Variants in SLC35D2 observed in about 807,000 individuals in gnomAD.
SLC35D2 encodes the protein nucleotide sugar transporter SLC35D2.
A neutral mutation model predicts 41.8 loss-of-function variants in SLC35D2; 43 were observed. That is an observed-to-expected ratio of 1.03 (90% CI 0.81 to 1.33). The LOEUF is 1.33. Ranked by LOEUF, SLC35D2 falls within the 40% of genes most tolerant of loss-of-function variation. The pLI is 0.00. For missense variants in SLC35D2, 380 were observed against 408.4 expected (o/e 0.93, Z 0.60); for synonymous variants, 150 against 163.9 (o/e 0.92, Z 0.65).
chr9:96,351,460 T>A (rs1404320774), intron 5 of SLC35D2, among the ~76,000 whole-genome samples: 1 of 152,044 alleles, frequency 6.6e-6, no homozygotes, highest in Admixed American at 6.6e-5. Context: ...CTAGTTTGCA[T>A]GGACTGATAG....
At chr9:96,366,795 G>A (rs1830492007) in intron 2 of SLC35D2, among the ~76,000 whole-genome samples, 1 of 148,816 alleles carries the variant, frequency 6.7e-6, no homozygotes, top group Non-Finnish European at 1.5e-5. Flanking sequence ...TTTTTTTAAC[G>A]TGCTTTTTCC....
chr9:96,338,003 A>C (rs1587849704), intron 8 of SLC35D2, among the ~76,000 whole-genome samples: 2 of 149,992 alleles, frequency 1.3e-5, no homozygotes, highest in Non-Finnish European at 3.0e-5. Flanking sequence ...AAAAAAAAAA[A>C]AACTCAATTT....
intron 9 of SLC35D2, among the ~76,000 whole-genome samples, chr9:96,326,166 A>C (rs943817191): frequency 6.6e-6 from 1 of 151,044 alleles, no homozygotes; most frequent in Non-Finnish European, 1.5e-5. Flanking sequence ...TAAGAAGCTG[A>C]TTTACCCCAT....
intron 1 of SLC35D2, among the ~76,000 whole-genome samples, chr9:96,376,700 G>A (rs1371239931): frequency 2.6e-5 from 4 of 151,024 alleles, no homozygotes; most frequent in Non-Finnish European, 4.4e-5. Context: ...CTGGACCCAG[G>A]AGGGAGAGGT....
chr9:96,371,718 CTTTTTTTTTTTTTT>C (rs774105070), intron 1 of SLC35D2, among the ~76,000 whole-genome samples: 3,132 of 90,608 alleles, frequency 0.035, 100 homozygotes, highest in Non-Finnish European at 0.044. Context: ...AACTAAATTT[CTTTTTTTTTTTTTT>C]TTTTTTTTTT....
chr9:96,315,128 T>C (rs1037321188), intron 11 of SLC35D2, among the ~76,000 whole-genome samples: 1 of 152,152 alleles, frequency 6.6e-6, no homozygotes, highest in African/African-American at 2.4e-5. Context: ...TTTCATAGAC[T>C]TTTTCTTTAA....
At chr9:96,377,223 C>T (rs1282734331) in intron 1 of SLC35D2, among the ~76,000 whole-genome samples, 2 of 151,950 alleles carry the variant, frequency 1.3e-5, no homozygotes, top group South Asian at 2.1e-4. Flanking sequence ...CGAAACGGGC[C>T]ACTCTTGTCA....
Position 96,324,082 on chromosome 9 carries a change from T to C in SLC35D2, c.831+9A>G. 1 of 1,610,936 alleles carries C rather than the reference T, an allele frequency of 6.2e-7. No individual in the cohort carries two copies. The highest frequency in any genetic ancestry group is 8.5e-7 in the Non-Finnish European group (1 of 1,177,188). ...TCAGTTGTTCCCTTCCAAGTTTCCA[T>C]CCACTCACCTTGATGGCTCCAACCA... is the stretch of plus-strand genomic sequence containing the variant. On this transcript the variant is annotated intron_variant, in intron 10 of 11. Coordinates refer to ENST00000253270, the MANE Select transcript of SLC35D2 (RefSeq NM_007001.3).
chr9:96,364,762 G>A (rs1014715950), intron 2 of SLC35D2, among the ~76,000 whole-genome samples: 15 of 152,098 alleles, frequency 9.9e-5, no homozygotes, highest in African/African-American at 2.7e-4. Flanking sequence ...GGCAAAAAAC[G>A]TAACGTCGGG....
At chr9:96,379,306 C>CA (rs35181002) in intron 1 of SLC35D2, among the ~76,000 whole-genome samples, 2,413 of 122,322 alleles carry the variant, frequency 0.02, 35 homozygotes, top group South Asian at 0.039. Context: ...GACCCTGTCT[C>CA]AAAAAAAAAA....
chr9:96,321,164 C>T lies in SLC35D2; in HGVS notation c.*78G>A. The T allele has an allele frequency of 8.9e-7, 1 of 1,123,840 alleles. No homozygotes were observed. The allele number at this position is 1,123,840 out of a possible 1,614,324, so 69.6% of individuals were successfully genotyped here. ...GGGGTGGATGTCACGAATCCGAAACCTCTGGCTTCACATTCCTACTGGGAA... is the reference window on the plus strand; with the variant it reads ...GGGGTGGATGTCACGAATCCGAAACTTCTGGCTTCACATTCCTACTGGGAA... On this transcript the variant is annotated 3_prime_UTR_variant, in exon 12 of 12. Coordinates refer to ENST00000253270, the MANE Select transcript of SLC35D2 (RefSeq NM_007001.3).
rs1385097390 is a variant in SLC35D2 at position 96,351,118 on chromosome 9, GC to G, written c.472del (p.Ala158LeufsTer3). ...ILSVFAIILG[A>X]FIAAGSDLAF... is the part of the protein sequence containing the mutation. The stretch of plus-strand genomic sequence containing the variant: ...AAAGTCTTACCCAGCTGCTATGAAA[GC>G]CCCGAGAATAATGGCAAAGACACTG... On this transcript the variant is annotated frameshift_variant, in exon 6 of 12. Coordinates refer to ENST00000253270, the MANE Select transcript of SLC35D2 (RefSeq NM_007001.3). LOFTEE classifies it high-confidence loss of function. 6.2e-7 allele frequency: 1 copy of G among 1,612,086 alleles called. No homozygotes were observed. The highest frequency in any genetic ancestry group is 1.1e-5 in the South Asian group (1 of 91,044).
In SLC35D2 at chr9:96,377,258, T is replaced by C. The variant is rs192013049; in HGVS notation, c.158+6219A>G. Among the ~76,000 whole-genome samples the C allele has an allele frequency of 2.0e-5, 3 of 152,080 alleles. No individual in the cohort carries two copies. In the South Asian group the frequency reaches 6.2e-4, roughly 32 times the overall value. On this transcript the variant is annotated intron_variant, in intron 1 of 11. Coordinates refer to ENST00000253270, the MANE Select transcript of SLC35D2 (RefSeq NM_007001.3). ...ATACCAAACTAAAACAGTAACCAGG[T>C]AGGAAAAGCATTCGGGTACAAAATA...
At chr9:96,356,371 C>T (rs538873700) in intron 4 of SLC35D2, among the ~76,000 whole-genome samples, 35 of 144,900 alleles carry the variant, frequency 2.4e-4, no homozygotes, top group Non-Finnish European at 4.4e-4. Flanking sequence ...TCTTAGCTGG[C>T]TTTATTTATT....
chr9:96,335,677 G>A (rs992148005), intron 9 of SLC35D2, among the ~76,000 whole-genome samples: 1 of 152,098 alleles, frequency 6.6e-6, no homozygotes, highest in African/African-American at 2.4e-5. Context: ...ACCTATTCAT[G>A]CAAAGGGATT....
intron 4 of SLC35D2, 101 bp from the exon 5 acceptor site, chr9:96,352,210 A>C: frequency 2.9e-6 from 2 of 688,334 alleles, no homozygotes; most frequent in Non-Finnish European, 2.4e-6. Flanking sequence ...TAATTTTCCA[A>C]ATCAATTTTC....
Position 96,364,523 on chromosome 9 carries a change from C to CAT in SLC35D2, c.218_219dup (p.Val74MetfsTer5), listed in dbSNP as rs746523017. ...TGAATGATTTTGTTTAGCTTGGACA[C>CAT]ATATAGTATCATTATGGTGGCTGCC... On this transcript the variant is annotated frameshift_variant, in exon 3 of 12. Transcript: ENST00000253270. LOFTEE classifies it high-confidence loss of function. 6.2e-7 allele frequency: 1 copy of CAT among 1,605,848 alleles called. No homozygotes were observed. The highest frequency in any genetic ancestry group is 8.5e-7 in the Non-Finnish European group (1 of 1,174,024).
chr9:96,325,936 G>A (rs1280655198), intron 9 of SLC35D2, among the ~76,000 whole-genome samples: 1 of 151,946 alleles, frequency 6.6e-6, no homozygotes, highest in Non-Finnish European at 1.5e-5. Flanking sequence ...AGGTGGTAGA[G>A]GGAAAAAAAT....
intron 8 of SLC35D2, among the ~76,000 whole-genome samples, chr9:96,338,005 A>AAAAAAAAAG (rs373089900): frequency 1.9e-5 from 2 of 104,796 alleles, no homozygotes; most frequent in Non-Finnish European, 3.6e-5. Context: ...AAAAAAAAAA[A>AAAAAAAAAG]CTCAATTTCT....
Sources: gnomAD v4.1 joint callset for allele counts (sites outside exome capture counted in the v4.1 genomes callset) on GRCh38, gnomAD v4.1.1 for gene constraint, MANE v1.5 for transcripts, NCBI Gene and HGNC (gene_info 2026-07-23, HGNC 2026-07-21) for gene names.